ARHGAP10: variants seen among roughly 807,000 people sequenced by gnomAD.
ARHGAP10 encodes rho GTPase-activating protein 10.
In ARHGAP10, 87 loss-of-function variants were observed where a neutral mutation model predicts 108.6. The observed-to-expected ratio is 0.80, with a 90% CI of 0.67 to 0.96. ARHGAP10 has a LOEUF of 0.96. Among genes scored for constraint, ARHGAP10 ranks in the 40% least tolerant of loss-of-function variants. The pLI is 0.00. For synonymous variants in ARHGAP10, 347 were observed against 341.1 expected, an observed-to-expected ratio of 1.02 and a Z score of -0.19; for missense variants, 939 against 954.5, an observed-to-expected ratio of 0.98 and a Z score of 0.21.
intron 15 of ARHGAP10, among the ~76,000 whole-genome samples, chr4:147,950,769 A>G (rs751125043): frequency 5.3e-5 from 8 of 152,026 alleles, no homozygotes; most frequent in Non-Finnish European, 1.0e-4. Flanking sequence ...TTTCTTATCT[A>G]TGCAGACCAT....
intron 10 of ARHGAP10, among the ~76,000 whole-genome samples, chr4:147,898,894 A>G (rs780097231): frequency 1.3e-5 from 2 of 152,216 alleles, no homozygotes; most frequent in African/African-American, 2.4e-5. Context: ...TGAGAACTCA[A>G]TCACTATCAG....
chr4:148,000,974 T>C (rs1357027527), intron 18 of ARHGAP10, among the ~76,000 whole-genome samples: 1 of 152,244 alleles, frequency 6.6e-6, no homozygotes, highest in Non-Finnish European at 1.5e-5. Context: ...CCATTGCTTT[T>C]GGTGTTTTAG....
intron 13 of ARHGAP10, among the ~76,000 whole-genome samples, chr4:147,921,199 G>A (rs1027958077): frequency 3.3e-5 from 5 of 152,200 alleles, no homozygotes; most frequent in Admixed American, 2.0e-4. Flanking sequence ...TTAGCAGTTG[G>A]TTGTATATAG....
intron 13 of ARHGAP10, among the ~76,000 whole-genome samples, chr4:147,929,882 TAGAGA>T (rs1460396121): frequency 6.6e-6 from 1 of 152,202 alleles, no homozygotes; most frequent in African/African-American, 2.4e-5. Flanking sequence ...GTATAACCCA[TAGAGA>T]AATCTGTCTT....
At chr4:148,071,277 GCTGGAGCC>G in intron 22 of ARHGAP10, among the ~76,000 whole-genome samples, 2 of 152,346 alleles carry the variant, frequency 1.3e-5, no homozygotes, top group East Asian at 3.9e-4. Context: ...TGGAGGGGCG[GCTGGAGCC>G]AGGTGCCCAG....
At chr4:147,753,699 G>A (rs929362269) in intron 1 of ARHGAP10, among the ~76,000 whole-genome samples, 8 of 152,026 alleles carry the variant, frequency 5.3e-5, no homozygotes, top group Non-Finnish European at 1.5e-5. Flanking sequence ...AAGTAATTAA[G>A]GAAATGAACC....
chr4:147,994,099 C>G (rs1301234754), intron 18 of ARHGAP10, among the ~76,000 whole-genome samples: 1 of 152,238 alleles, frequency 6.6e-6, no homozygotes, highest in Non-Finnish European at 1.5e-5. Flanking sequence ...CTAAGCCACA[C>G]AGTTAGAAAG....
intron 10 of ARHGAP10, 86 bp from the exon 11 acceptor site, chr4:147,906,552 A>AC: frequency 7.4e-7 from 1 of 1,345,496 alleles, no homozygotes; most frequent in Non-Finnish European, 1.0e-6. Context: ...AAAGTAAAAA[A>AC]AAAATGGTTA....
chr4:147,780,087 G>C (rs944182054), intron 1 of ARHGAP10, among the ~76,000 whole-genome samples: 4 of 152,092 alleles, frequency 2.6e-5, no homozygotes, highest in Admixed American at 6.6e-5. Flanking sequence ...GTTTATTTCA[G>C]TTTTCCCCTC....
At chr4:147,886,819 G>A (rs934336309) in intron 10 of ARHGAP10, among the ~76,000 whole-genome samples, 1 of 152,134 alleles carries the variant, frequency 6.6e-6, no homozygotes, top group African/African-American at 2.4e-5. Flanking sequence ...CACCCAGGCT[G>A]GAGGGCAGTG....
At position 148,020,918 on chromosome 4, in the gene ARHGAP10, C is replaced by G. The variant is rs556979463; in HGVS notation, c.1717-2345C>G. 4.6e-5 allele frequency among the ~76,000 whole-genome samples: 7 copies of G among 152,266 alleles called. No homozygotes were observed. In the South Asian group the frequency reaches 1.5e-3, roughly 32 times the overall value. On this transcript the variant is annotated intron_variant, in intron 18 of 22. Coordinates refer to ENST00000336498, the MANE Select transcript of ARHGAP10 (RefSeq NM_024605.4). ...TTGAACTCATTTACACTCCCATTTTCTGGTGTTTTGATTTTGACTTTTGTT... is the reference window on the plus strand; with the variant it reads ...TTGAACTCATTTACACTCCCATTTTGTGGTGTTTTGATTTTGACTTTTGTT...
At chr4:147,812,777 C>G (rs1204265057) in intron 1 of ARHGAP10, among the ~76,000 whole-genome samples, 1 of 152,154 alleles carries the variant, frequency 6.6e-6, no homozygotes, top group African/African-American at 2.4e-5. Context: ...ACCCAGGACC[C>G]AAAGCCTGGC....
chr4:148,038,293 A>G (rs549071599), intron 19 of ARHGAP10, among the ~76,000 whole-genome samples: 126 of 152,314 alleles, frequency 8.3e-4, no homozygotes, highest in African/African-American at 2.9e-3. Context: ...TTTTATTGTC[A>G]TAGTATTTGC....
chr4:147,752,648 C>T (rs371313769), intron 1 of ARHGAP10, among the ~76,000 whole-genome samples: 105 of 152,190 alleles, frequency 6.9e-4, no homozygotes, highest in African/African-American at 2.5e-3. Flanking sequence ...GTGCCTCAGC[C>T]TCCCGAGTAG....
At chr4:147,881,966 A>C (rs1735345982) in intron 10 of ARHGAP10, 34 bp downstream of exon 10, 2 of 1,589,618 alleles carry the variant, frequency 1.3e-6, no homozygotes, top group Non-Finnish European at 1.7e-6. Flanking sequence ...ATGGTGAAAG[A>C]GTCGTTTTAA....
At chr4:147,888,248 CG>C (rs1735651273) in intron 10 of ARHGAP10, among the ~76,000 whole-genome samples, 1 of 152,170 alleles carries the variant, frequency 6.6e-6, no homozygotes, top group South Asian at 2.1e-4. Context: ...ATGTGCCATC[CG>C]TATGTTGATA....
chr4:147,773,101 G>T (rs1440256051), intron 1 of ARHGAP10, among the ~76,000 whole-genome samples: 1 of 152,130 alleles, frequency 6.6e-6, no homozygotes, highest in Admixed American at 6.5e-5. Context: ...TTTGTTGGTA[G>T]AAGGGACACT....
chr4:148,011,517 A>G (rs563116383), intron 18 of ARHGAP10, among the ~76,000 whole-genome samples: 1 of 152,346 alleles, frequency 6.6e-6, no homozygotes, highest in South Asian at 2.1e-4. Flanking sequence ...AAGGGCTCCA[A>G]GTGAGTGTTC....
chr4:147,774,810 T>C (rs1296010984), intron 1 of ARHGAP10, among the ~76,000 whole-genome samples: 1 of 152,146 alleles, frequency 6.6e-6, no homozygotes, highest in Non-Finnish European at 1.5e-5. Context: ...ATTTTGTCAT[T>C]GACAGAGTCT....
Sources: gnomAD v4.1 joint callset for allele counts (sites outside exome capture counted in the v4.1 genomes callset) on GRCh38, gnomAD v4.1.1 for gene constraint, MANE v1.5 for transcripts, NCBI Gene and HGNC (gene_info 2026-07-23, HGNC 2026-07-21) for gene names.